LHFPL3: variants seen among roughly 807,000 people sequenced by gnomAD.
The protein encoded by LHFPL3 is LHFPL tetraspan subfamily member 3.
LHFPL3 carries 5 observed loss-of-function variants against 19.3 expected under a neutral mutation model. The observed-to-expected ratio is 0.26, with a 90% CI of 0.14 to 0.54. LHFPL3 has a LOEUF of 0.54. Ranked by LOEUF, LHFPL3 falls within the 20% of genes least tolerant of loss-of-function variation. LHFPL3 has a pLI of 0.94. For missense variants in LHFPL3, 249 were observed against 307.4 expected, an observed-to-expected ratio of 0.81 and a Z score of 1.42; for synonymous variants, 133 against 126.2, an observed-to-expected ratio of 1.05 and a Z score of -0.36.
intron 1 of LHFPL3, among the ~76,000 whole-genome samples, chr7:104,685,382 A>G (rs1337308643): frequency 2.0e-5 from 3 of 152,212 alleles, no homozygotes; most frequent in Admixed American, 6.5e-5. Context: ...TTAGAAATCT[A>G]TATAGCACCA....
Position 104,534,341 on chromosome 7 carries a change from C to T in LHFPL3, c.446-202334C>T, listed in dbSNP as rs117650039. On this transcript the variant is annotated intron_variant, in intron 1 of 2. Coordinates refer to ENST00000424859, the MANE Select transcript of LHFPL3 (RefSeq NM_199000.3). ...AGACAGGGCTATGACGTCAGAACTC[C>T]TGGGGTAACTCTGATGTGCAGCCTC... Among the ~76,000 whole-genome samples the T allele has an allele frequency of 5.3e-5, 8 of 152,316 alleles. No individual in the cohort carries two copies. The East Asian group carries it at 1.5e-3, about 29-fold the overall frequency.
At chr7:104,458,380 C>T (rs1387877999) in intron 1 of LHFPL3, among the ~76,000 whole-genome samples, 3 of 152,144 alleles carry the variant, frequency 2.0e-5, no homozygotes, top group East Asian at 3.8e-4. Flanking sequence ...GGAATCCTTT[C>T]CCCATTGTTT....
chr7:104,695,440 T>A (rs1177172728), intron 1 of LHFPL3, among the ~76,000 whole-genome samples: 1 of 152,200 alleles, frequency 6.6e-6, no homozygotes, highest in East Asian at 1.9e-4. Flanking sequence ...GTATATAACC[T>A]TTTTTGTTGG....
intron 1 of LHFPL3, among the ~76,000 whole-genome samples, chr7:104,699,305 AG>A (rs1408410146): frequency 3.3e-5 from 5 of 152,272 alleles, no homozygotes; most frequent in Non-Finnish European, 7.3e-5. Flanking sequence ...TGAATGTATA[AG>A]CAATATATGG....
At chr7:104,488,239 C>G (rs1392968202) in intron 1 of LHFPL3, among the ~76,000 whole-genome samples, 1 of 152,136 alleles carries the variant, frequency 6.6e-6, no homozygotes, top group African/African-American at 2.4e-5. Context: ...GCAACACTTA[C>G]AAATATTTTG....
chr7:104,443,657 T>C (rs1027161805), intron 1 of LHFPL3, among the ~76,000 whole-genome samples: 1 of 152,240 alleles, frequency 6.6e-6, no homozygotes, highest in Admixed American at 6.5e-5. Flanking sequence ...GCTCTGACTC[T>C]TGACCCCTGG....
intron 2 of LHFPL3, among the ~76,000 whole-genome samples, chr7:104,843,283 C>A (rs866713743): frequency 5.3e-5 from 8 of 152,228 alleles, no homozygotes; most frequent in African/African-American, 1.7e-4. Context: ...AAGCAGAGGT[C>A]TTCTCAGAGC....
At chr7:104,461,593 T>G (rs1487394133) in intron 1 of LHFPL3, among the ~76,000 whole-genome samples, 2 of 152,136 alleles carry the variant, frequency 1.3e-5, no homozygotes, top group African/African-American at 4.8e-5. Flanking sequence ...AACCATGTTG[T>G]TTTCGTTACT....
At chr7:104,587,039 C>T (rs1383371346) in intron 1 of LHFPL3, among the ~76,000 whole-genome samples, 1 of 151,962 alleles carries the variant, frequency 6.6e-6, no homozygotes, top group Non-Finnish European at 1.5e-5. Flanking sequence ...ATTGTGATGC[C>T]AAAAATAATA....
intron 1 of LHFPL3, among the ~76,000 whole-genome samples, chr7:104,570,831 C>G (rs1004325047): frequency 4.6e-5 from 7 of 152,144 alleles, no homozygotes; most frequent in African/African-American, 1.7e-4. Flanking sequence ...GCTCTTCTCC[C>G]CAATAGGCCG....
chr7:104,392,309 A>T (rs1161680600), intron 1 of LHFPL3, among the ~76,000 whole-genome samples: 1 of 151,790 alleles, frequency 6.6e-6, no homozygotes, highest in African/African-American at 2.4e-5. Flanking sequence ...TCAGTATGAT[A>T]TTGGCTGTGG....
chr7:104,901,212 AG>A (rs1278659697), intron 2 of LHFPL3, among the ~76,000 whole-genome samples: 1 of 152,206 alleles, frequency 6.6e-6, no homozygotes, highest in Non-Finnish European at 1.5e-5. Context: ...CCAAGCCTTC[AG>A]GTGGAAAACT....
chr7:104,695,945 TTTGTTTTTTGTTG>T (rs943052195), intron 1 of LHFPL3, among the ~76,000 whole-genome samples: 4 of 152,168 alleles, frequency 2.6e-5, no homozygotes, highest in African/African-American at 9.6e-5. Context: ...GTTTTTTTGT[TTTGTTTTTTGTTG>T]TTGTTTTTTT....
At chr7:104,414,794 T>C (rs1791591725) in intron 1 of LHFPL3, among the ~76,000 whole-genome samples, 1 of 152,212 alleles carries the variant, frequency 6.6e-6, no homozygotes, top group African/African-American at 2.4e-5. Flanking sequence ...GTTTTGAAGG[T>C]TGAATTCTCT....
At chr7:104,412,241 G>A (rs944138971) in intron 1 of LHFPL3, among the ~76,000 whole-genome samples, 2 of 152,132 alleles carry the variant, frequency 1.3e-5, no homozygotes, top group African/African-American at 2.4e-5. Flanking sequence ...TTGAGGGGGT[G>A]TGGCTCTCTC....
At chr7:104,503,577 C>A (rs529849088) in intron 1 of LHFPL3, among the ~76,000 whole-genome samples, 11 of 151,912 alleles carry the variant, frequency 7.2e-5, no homozygotes, top group Middle Eastern at 3.4e-3. Flanking sequence ...TTAATATTTT[C>A]TTTTTCTTTT....
At chr7:104,551,643 A>G (rs1344062127) in intron 1 of LHFPL3, among the ~76,000 whole-genome samples, 1 of 152,058 alleles carries the variant, frequency 6.6e-6, no homozygotes, top group East Asian at 1.9e-4. Flanking sequence ...TGCCAGTGAC[A>G]GAGTGGAAAA....
chr7:104,416,946 G>A (rs1791633239), intron 1 of LHFPL3, among the ~76,000 whole-genome samples: 1 of 152,136 alleles, frequency 6.6e-6, no homozygotes, highest in African/African-American at 2.4e-5. Flanking sequence ...CTTTTCATAA[G>A]GAACCTGCTC....
chr7:104,676,742 T>G (rs1265860927), intron 1 of LHFPL3, among the ~76,000 whole-genome samples: 1 of 152,230 alleles, frequency 6.6e-6, no homozygotes, highest in Admixed American at 6.5e-5. Flanking sequence ...GATGTAAAAA[T>G]GGTCTTTCTG....
Sources: gnomAD v4.1 joint callset for allele counts (sites outside exome capture counted in the v4.1 genomes callset) on GRCh38, gnomAD v4.1.1 for gene constraint, MANE v1.5 for transcripts, NCBI Gene and HGNC (gene_info 2026-07-23, HGNC 2026-07-21) for gene names.